CCNY: variants seen among roughly 807,000 people sequenced by gnomAD.
CCNY encodes cyclin-Y.
A neutral mutation model predicts 42.8 loss-of-function variants in CCNY; 19 were observed. The observed-to-expected ratio is 0.44, with a 90% CI of 0.31 to 0.65. CCNY has a LOEUF of 0.65. CCNY is among the 30% of genes least tolerant of loss of function. CCNY has a pLI of 0.07. For synonymous variants in CCNY, 165 were observed against 162.7 expected (o/e 1.01, Z -0.11); for missense variants, 370 against 437.3 (o/e 0.85, Z 1.37).
chr10:35,552,928 G>A, intron 7 of CCNY, 91 bp from the exon 8 acceptor site: 1 of 1,239,672 alleles, frequency 8.1e-7, no homozygotes, highest in Admixed American at 2.0e-5. Context: ...ATTTAAAGGT[G>A]GATGTAATAC....
chr10:35,262,893 A>G (rs2095721124), intron 3 of CCNY, among the ~76,000 whole-genome samples: 1 of 151,326 alleles, frequency 6.6e-6, no homozygotes, highest in African/African-American at 2.4e-5. Context: ...AACATGAAAA[A>G]AATTCTCACT....
At chr10:35,367,756 G>T (rs891041498) in intron 1 of CCNY, among the ~76,000 whole-genome samples, 3 of 152,146 alleles carry the variant, frequency 2.0e-5, no homozygotes, top group Non-Finnish European at 1.5e-5. Flanking sequence ...GACTATTGCA[G>T]GTCTGCAGTT....
In CCNY at chr10:35,373,927, G is replaced by C. The variant is rs115354833; in HGVS notation, c.154+36720G>C. Among the ~76,000 whole-genome samples the C allele has an allele frequency of 3.3e-3, 503 of 150,444 alleles. 4 individuals are homozygous for C. Among genetic ancestry groups the C allele is most frequent in the African/African-American group, 0.011 (475 of 41,412 alleles). ...GTTCAAAGATCAGCTGTATTAACTT[G>C]TTTTCTCAAGTGCCCCATACAAATA... is the stretch of plus-strand genomic sequence containing the variant. On this transcript the variant is annotated intron_variant, in intron 1 of 9. Transcript: ENST00000374704.
At position 35,440,066 on chromosome 10, in the gene CCNY, T is replaced by C. The variant is rs559673421; in HGVS notation, c.155-43338T>C. On this transcript the variant is annotated intron_variant, in intron 1 of 9. Coordinates refer to ENST00000374704, the MANE Select transcript of CCNY (RefSeq NM_145012.6). ...ATTACCACTTCACAATGGCAAAAGT[T>C]TAGGCCTCACACTCAGCCTTTGTTG... Among the ~76,000 whole-genome samples the C allele has an allele frequency of 2.0e-5, 3 of 152,246 alleles. No homozygotes were observed. In the South Asian group the frequency reaches 6.2e-4, roughly 32 times the overall value.
At chr10:35,420,799 AC>A (rs1190381855) in intron 1 of CCNY, among the ~76,000 whole-genome samples, 1 of 152,224 alleles carries the variant, frequency 6.6e-6, no homozygotes, top group Non-Finnish European at 1.5e-5. Context: ...CTGAATGTGA[AC>A]GGAGACTAAT....
chr10:35,307,222 C>T (rs1835617255), intron 3 of CCNY, among the ~76,000 whole-genome samples: 1 of 152,190 alleles, frequency 6.6e-6, no homozygotes, highest in South Asian at 2.1e-4. Flanking sequence ...AATGCTAGCT[C>T]ATAGTCCACA....
In CCNY at chr10:35,337,146, C is replaced by G; in HGVS notation, c.93C>G (p.Asp31Glu). 6.3e-7 allele frequency: 1 copy of G among 1,586,302 alleles called. No individual in the cohort carries two copies. The highest frequency in any genetic ancestry group is 8.6e-7 in the Non-Finnish European group (1 of 1,168,548). Residue 31 changes from aspartate (D) to glutamate (E), a missense_variant, in exon 1 of 10, where the codon GAC (aspartate) becomes GAG (glutamate). Asp to Glu is a conservative substitution (Grantham distance 45). Transcript: ENST00000374704. ...SRLESYRPDT[D>E]LSREDTGCNL... ...TGGAGTCCTACCGGCCAGACACGGACCTGAGCCGCGAGGACACGGGCTGCA... is the reference window on the plus strand; with the variant it reads ...TGGAGTCCTACCGGCCAGACACGGAGCTGAGCCGCGAGGACACGGGCTGCA...
intron 1 of CCNY, among the ~76,000 whole-genome samples, chr10:35,430,335 T>G (rs1322079588): frequency 5.8e-4 from 11 of 18,934 alleles, no homozygotes; most frequent in African/African-American, 2.8e-3. Flanking sequence ...AGACTCCGTC[T>G]CAAAAAAAAA....
intron 3 of CCNY, among the ~76,000 whole-genome samples, chr10:35,270,875 G>A (rs12255540): frequency 0.014 from 2,180 of 151,556 alleles, 58 homozygotes; most frequent in African/African-American, 0.05. Flanking sequence ...ACAGGCGCCC[G>A]CCACCACACC....
At chr10:35,539,719 A>AGAGGTTGCAGTGAGCC (rs1292615110) in intron 7 of CCNY, among the ~76,000 whole-genome samples, 2 of 152,174 alleles carry the variant, frequency 1.3e-5, no homozygotes, top group Admixed American at 1.3e-4. Flanking sequence ...CCCGGGAGGC[A>AGAGGTTGCAGTGAGCC]GAGGTTGCAG....
At chr10:35,257,188 T>TTTCTA (rs1565054153) in intron 3 of CCNY, among the ~76,000 whole-genome samples, 1 of 141,414 alleles carries the variant, frequency 7.1e-6, no homozygotes, top group Non-Finnish European at 1.6e-5. Flanking sequence ...TAATTCTCTC[T>TTTCTA]TTCTTTTCTT....
At chr10:35,441,105 AG>A (rs1838657263) in intron 1 of CCNY, among the ~76,000 whole-genome samples, 1 of 152,304 alleles carries the variant, frequency 6.6e-6, no homozygotes, top group African/African-American at 2.4e-5. Flanking sequence ...TCCCATAAGG[AG>A]CTAGAATGGG....
intron 2 of CCNY, among the ~76,000 whole-genome samples, chr10:35,488,301 T>G (rs1442368452): frequency 6.6e-6 from 1 of 152,180 alleles, no homozygotes; most frequent in Non-Finnish European, 1.5e-5. Context: ...GGGGTCGTGT[T>G]TTGGTTACCG....
intron 3 of CCNY, among the ~76,000 whole-genome samples, chr10:35,312,581 C>T (rs551006433): frequency 1.3e-5 from 2 of 151,576 alleles, no homozygotes; most frequent in African/African-American, 2.4e-5. Context: ...CTCCGTTTTG[C>T]GACAAAATGA....
rs1161389502 is a variant in CCNY at position 35,420,458 on chromosome 10, G to C, written c.155-62946G>C. Among the ~76,000 whole-genome samples, 3 of 152,284 alleles carry C rather than the reference G, an allele frequency of 2.0e-5. No homozygotes were observed. In the East Asian group the frequency reaches 5.8e-4, roughly 29 times the overall value. ...GCTGCTGTGATATTTTGGGGTCTCT[G>C]ATTTGGCACAGGTAGCTTTTCAGTG... On this transcript the variant is annotated intron_variant, in intron 1 of 9. Transcript: ENST00000374704.
chr10:35,317,793 G>A (rs1323457795), intron 3 of CCNY, among the ~76,000 whole-genome samples: 6 of 152,152 alleles, frequency 3.9e-5, no homozygotes, highest in South Asian at 2.1e-4. Flanking sequence ...TTCAAATATC[G>A]CAGTCAATGG....
chr10:35,321,761 T>A (rs1048220950), intron 3 of CCNY, among the ~76,000 whole-genome samples: 2 of 152,064 alleles, frequency 1.3e-5, no homozygotes, highest in Non-Finnish European at 2.9e-5. Context: ...ATGCAAAAAA[T>A]TTTTGAAAAA....
At chr10:35,426,806 G>T (rs1247200879) in intron 1 of CCNY, among the ~76,000 whole-genome samples, 2 of 152,198 alleles carry the variant, frequency 1.3e-5, no homozygotes, top group Non-Finnish European at 2.9e-5. Flanking sequence ...TAGCAAATCT[G>T]CATAGGCCAA....
At chr10:35,269,308 G>T (rs1239426848) in intron 3 of CCNY, among the ~76,000 whole-genome samples, 1 of 140,412 alleles carries the variant, frequency 7.1e-6, no homozygotes, top group Non-Finnish European at 1.6e-5. Flanking sequence ...CTTCCTTCCT[G>T]CTTTCTTGCT....
Sources: allele counts gnomAD v4.1 joint callset (sites outside exome capture counted in the v4.1 genomes callset), GRCh38; gene constraint gnomAD v4.1.1; transcripts MANE v1.5; gene names NCBI Gene and HGNC (gene_info 2026-07-23, HGNC 2026-07-21).